CCDC88A: variants seen among roughly 807,000 people sequenced by gnomAD.
The protein encoded by CCDC88A is coiled-coil and HOOK domain protein 88A, also known as girdin.
A neutral mutation model predicts 234.3 loss-of-function variants in CCDC88A; 54 were observed. The ratio of observed to expected loss-of-function variants is 0.23; its 90% CI spans 0.19 to 0.29. The LOEUF is 0.29. CCDC88A is among the 10% of genes least tolerant of loss of function. The pLI, the probability that CCDC88A is intolerant of heterozygous loss-of-function variation, is 1.00. For synonymous variants in CCDC88A, 753 were observed against 737.8 expected (o/e 1.02, Z -0.33); for missense variants, 1,832 against 2,123.4 (o/e 0.86, Z 2.70).
At position 55,288,804 on chromosome 2, in the gene CCDC88A, G is replaced by T. The variant is rs1245158643; in HGVS notation, c.*2396C>A. 6.6e-6 allele frequency: 1 copy of T among 152,156 alleles called. No homozygotes were observed. Among genetic ancestry groups the T allele is most frequent in the Non-Finnish European group, 1.5e-5 (1 of 68,008 alleles). The allele number at this position is 152,156 out of a possible 1,614,324, so 9.4% of individuals were successfully genotyped here. A position where few individuals can be genotyped will look rare whatever the true frequency, so the allele number is the denominator to read the frequency against. ...TTTAAAGCATGTCAGGCCCCGGTTA[G>T]GAAAATGAAAATGGCTCCGATTCGT... On this transcript the variant is annotated 3_prime_UTR_variant, in exon 33 of 33. Transcript: ENST00000436346.
intron 2 of CCDC88A, among the ~76,000 whole-genome samples, chr2:55,406,477 G>C (rs1024147140): frequency 6.6e-6 from 1 of 152,050 alleles, no homozygotes; most frequent in Non-Finnish European, 1.5e-5. Flanking sequence ...ACTAGTGTCC[G>C]GGCATGGTGG....
rs757893201 is a variant in CCDC88A at position 55,309,285 on chromosome 2, GCAT to G, written c.4080-34_4080-32del. On this transcript the variant is annotated intron_variant, in intron 23 of 32. Coordinates refer to ENST00000436346, the MANE Select transcript of CCDC88A (RefSeq NM_001365480.1). The surrounding 1 kb of genome is among the most constrained non-coding windows in gnomAD (Gnocchi z 5.1). Reference sequence around the variant, plus strand: ...AAATAAAAATTACCTTTTAGGACAGGCATCATATTTTGTACAGCTATGAATATT... The same window carrying G: ...AAATAAAAATTACCTTTTAGGACAGGCATATTTTGTACAGCTATGAATATT... 101 of 1,007,382 alleles carry G rather than the reference GCAT, an allele frequency of 1.0e-4. 2 individuals carry two copies. The South Asian group carries it at 1.4e-3, about 14-fold the overall frequency. The allele number at this position is 1,007,382 out of a possible 1,614,324, so 62.4% of individuals were successfully genotyped here.
intron 5 of CCDC88A, among the ~76,000 whole-genome samples, chr2:55,370,872 C>T (rs1019909927): frequency 2.0e-5 from 3 of 150,562 alleles, no homozygotes; most frequent in Non-Finnish European, 4.4e-5. Flanking sequence ...ATTAACCAGG[C>T]ATGGTGGCAC....
intron 31 of CCDC88A, among the ~76,000 whole-genome samples, chr2:55,293,245 A>G (rs926120939): frequency 2.0e-5 from 3 of 152,232 alleles, no homozygotes; most frequent in Non-Finnish European, 4.4e-5. Flanking sequence ...TGTGGAAAAG[A>G]AATAACACTA....
intron 2 of CCDC88A, among the ~76,000 whole-genome samples, chr2:55,415,571 G>A (rs1470456393): frequency 6.6e-6 from 1 of 152,166 alleles, no homozygotes; most frequent in Non-Finnish European, 1.5e-5. Flanking sequence ...ACAATGGTCT[G>A]AGCTGAGGGG....
intron 4 of CCDC88A, among the ~76,000 whole-genome samples, chr2:55,374,398 T>A (rs1432250962): frequency 2.0e-5 from 3 of 151,974 alleles, no homozygotes; most frequent in Non-Finnish European, 4.4e-5. Context: ...ATAAAACATA[T>A]CAATCAGTAA....
chr2:55,387,779 CAAAAAAAAAAAA>C (rs66479611), intron 3 of CCDC88A, among the ~76,000 whole-genome samples: 3 of 64,852 alleles, frequency 4.6e-5, no homozygotes, highest in Non-Finnish European at 9.1e-5. Context: ...GGCTCCATCT[CAAAAAAAAAAAA>C]AAAAAAAAGA....
At chr2:55,312,297 A>T in intron 23 of CCDC88A, 137 bp downstream of exon 23, 1 of 658,950 alleles carries the variant, frequency 1.5e-6, no homozygotes, top group Non-Finnish European at 2.6e-6. Context: ...TTATTAGAAT[A>T]GTGCCTGGAA....
Position 55,335,177 on chromosome 2 carries a change from G to T in CCDC88A, c.1657-13C>A. ...CCAGTATCTTAATCTAATTTGAAAA[G>T]AAAATAATTAAAAGCTGTAATTGAG... On this transcript the variant is annotated splice_polypyrimidine_tract_variant and intron_variant, in intron 14 of 32. Coordinates refer to ENST00000436346, the MANE Select transcript of CCDC88A (RefSeq NM_001365480.1). The surrounding 1 kb of genome is among the most constrained non-coding windows in gnomAD (Gnocchi z 4.5). The T allele has an allele frequency of 7.0e-7, 1 of 1,420,632 alleles. No individual in the cohort carries two copies. The highest frequency in any genetic ancestry group is 9.3e-7 in the Non-Finnish European group (1 of 1,075,848). The allele number at this position is 1,420,632 out of a possible 1,614,324, so 88.0% of individuals were successfully genotyped here.
chr2:55,373,972 A>G (rs901991177), intron 4 of CCDC88A, among the ~76,000 whole-genome samples: 5 of 152,236 alleles, frequency 3.3e-5, no homozygotes, highest in East Asian at 1.9e-4. Flanking sequence ...CAATTCTAAA[A>G]TATCACATTT....
chr2:55,305,058 A>G (rs1289123870), intron 25 of CCDC88A, among the ~76,000 whole-genome samples: 1 of 152,226 alleles, frequency 6.6e-6, no homozygotes, highest in Non-Finnish European at 1.5e-5. Flanking sequence ...CAAGCTTAGT[A>G]AACACAGCTG....
chr2:55,384,620 CGTATATATAT>C lies in CCDC88A; in HGVS notation c.273+4148_273+4157del, dbSNP rs1353149930. Among the ~76,000 whole-genome samples, 4 of 43,446 alleles carry C rather than the reference CGTATATATAT, an allele frequency of 9.2e-5. 1 individual carries two copies. The highest frequency in any genetic ancestry group is 1.6e-4 in the Non-Finnish European group (4 of 24,926). 28.5% of individuals were successfully genotyped at this position (43,446 alleles called of 152,430 possible). ...ATATACGTATATATGTGTATATATACGTATATATATGTATATATGTGTATATATACATATA... is the reference window on the plus strand; with the variant it reads ...ATATACGTATATATGTGTATATATACGTATATATGTGTATATATACATATA... On this transcript the variant is annotated intron_variant, in intron 3 of 32. Transcript: ENST00000436346.
chr2:55,341,144 T>TC (rs1558701226), intron 12 of CCDC88A, among the ~76,000 whole-genome samples: 3 of 121,900 alleles, frequency 2.5e-5, no homozygotes, highest in Non-Finnish European at 1.6e-5. Context: ...TTCTTTCTTT[T>TC]TTTTTTTTTT....
intron 16 of CCDC88A, among the ~76,000 whole-genome samples, chr2:55,330,334 ATG>A (rs201922378): frequency 0.024 from 3,631 of 152,100 alleles, 66 homozygotes; most frequent in Non-Finnish European, 0.036. Flanking sequence ...TTAGCCAGGC[ATG>A]GTGGTGCGTG....
At chr2:55,337,567 A>G (rs1667955024) in intron 13 of CCDC88A, 1 of 152,204 alleles carries the variant, frequency 6.6e-6, no homozygotes, top group African/African-American at 2.4e-5. Flanking sequence ...AGCAATTTTA[A>G]TTTTTCTATT....
At chr2:55,393,315 G>T (rs1486088517) in intron 2 of CCDC88A, among the ~76,000 whole-genome samples, 2 of 10,954 alleles carry the variant, frequency 1.8e-4, no homozygotes, top group East Asian at 2.1e-3. Flanking sequence ...TTTTTTTTGC[G>T]ACAGAGTCCC....
At chr2:55,357,229 T>G (rs1670695671) in intron 7 of CCDC88A, among the ~76,000 whole-genome samples, 1 of 147,560 alleles carries the variant, frequency 6.8e-6, no homozygotes, top group African/African-American at 2.7e-5. Flanking sequence ...ACTCCACATC[T>G]TATGCTCTAA....
chr2:55,396,969 C>A (rs1185771888), intron 2 of CCDC88A, among the ~76,000 whole-genome samples: 1 of 151,494 alleles, frequency 6.6e-6, no homozygotes, highest in Non-Finnish European at 1.5e-5. Context: ...TGAGCATATT[C>A]CCAATTCTGT....
chr2:55,405,482 T>A (rs1048655784), intron 2 of CCDC88A: 28 of 152,390 alleles, frequency 1.8e-4, no homozygotes, highest in Middle Eastern at 3.4e-3. Context: ...TTCAAATACC[T>A]GCTTGGGATC....
Sources: allele counts gnomAD v4.1 joint callset (sites outside exome capture counted in the v4.1 genomes callset), GRCh38; gene constraint gnomAD v4.1.1; non-coding constraint Gnocchi (gnomAD v3.1); transcripts MANE v1.5; gene names NCBI Gene and HGNC (gene_info 2026-07-23, HGNC 2026-07-21).